HAL: variants seen among roughly 807,000 people sequenced by gnomAD.
The protein encoded by HAL is histidase.
HAL carries 85 observed loss-of-function variants against 81.1 expected under a neutral mutation model. The observed-to-expected ratio is 1.05, with a 90% CI of 0.88 to 1.25. HAL has a LOEUF of 1.25. HAL is among the 50% of genes most tolerant of loss of function. HAL has a pLI of 0.00. For missense variants in HAL, 798 were observed against 836.6 expected (o/e 0.95, Z 0.57); for synonymous variants, 301 against 309.2 (o/e 0.97, Z 0.28).
At position 95,976,481 on chromosome 12, in the gene HAL, C is replaced by T. The variant is rs781008673; in HGVS notation, c.1781G>A (p.Arg594His). Reference protein sequence around the residue: ...RSVVRPWIKDRFMAPDIEAAH... With the variant: ...RSVVRPWIKDHFMAPDIEAAH... The stretch of plus-strand genomic sequence containing the variant: ...TGCCTCGATGTCCGGGGCCATGAAG[C>T]GATCTTTTATCCAGGGCCTACAGGG... The change falls in exon 20 of 21, where the codon CGC becomes CAC. Residue 594 changes from arginine (R) to histidine (H), a missense_variant. By Grantham distance (29) the Arg-to-His change is conservative (BLOSUM62 0). Coordinates refer to ENST00000261208, the MANE Select transcript of HAL (RefSeq NM_002108.4). 2.4e-5 allele frequency: 39 copies of T among 1,613,966 alleles called. No homozygotes were observed. Among genetic ancestry groups the T allele is most frequent in the Non-Finnish European group, 3.2e-5 (38 of 1,179,948 alleles).
chr12:95,984,098 G>A, intron 14 of HAL, 107 bp from the exon 15 acceptor site: 1 of 693,302 alleles, frequency 1.4e-6, no homozygotes, highest in South Asian at 1.6e-5. Flanking sequence ...AAAGAATACA[G>A]AAGATCTTAT....
intron 11 of HAL, 49 bp downstream of exon 11, chr12:95,988,144 T>C: frequency 3.4e-6 from 3 of 886,398 alleles, no homozygotes; most frequent in Non-Finnish European, 5.8e-6. Flanking sequence ...AAATACTGCA[T>C]AAATAAAAAC....
At chr12:95,976,855 T>C in intron 18 of HAL, 149 bp from the exon 19 acceptor site, 1 of 699,408 alleles carries the variant, frequency 1.4e-6, no homozygotes, top group Non-Finnish European at 2.6e-6. Flanking sequence ...CTTTGGTATT[T>C]AGTTGCCATT....
chr12:95,987,353 G>C (rs910946979), intron 11 of HAL, 139 bp from the exon 12 acceptor site: 2 of 740,210 alleles, frequency 2.7e-6, no homozygotes, highest in African/African-American at 3.5e-5. Context: ...GTTTTCTAAA[G>C]TGCGGGACAG....
rs115513045 is a variant in HAL, at chr12:95,984,578, T to G, written c.1207-587A>C. 5.1e-3 allele frequency among the ~76,000 whole-genome samples: 781 copies of G among 152,302 alleles called. 6 individuals are homozygous for G. Among genetic ancestry groups the G allele is most frequent in the African/African-American group, 0.018 (730 of 41,572 alleles). ...GCTATAAAGCAGCACCTGGCTCTGG[T>G]TTCTCCCAGAAGTCAAGGAAGTAAT... is the stretch of plus-strand genomic sequence containing the variant. On this transcript the variant is annotated intron_variant, in intron 14 of 20. Coordinates refer to ENST00000261208, the MANE Select transcript of HAL (RefSeq NM_002108.4).
chr12:95,990,638 A>G, intron 9 of HAL, 106 bp from the exon 10 acceptor site: 1 of 876,968 alleles, frequency 1.1e-6, no homozygotes, highest in East Asian at 2.4e-5. Flanking sequence ...TGCCTCCAAT[A>G]TCTATCACTT....
intron 11 of HAL, among the ~76,000 whole-genome samples, chr12:95,987,882 T>A (rs1229102208): frequency 1.4e-5 from 2 of 141,934 alleles, no homozygotes; most frequent in Admixed American, 1.4e-4. Context: ...CTAATTTTTG[T>A]CTTTTTTGGC....
At chr12:95,975,476 G>A (rs2080706408) in intron 20 of HAL, among the ~76,000 whole-genome samples, 2 of 151,690 alleles carry the variant, frequency 1.3e-5, no homozygotes, top group Admixed American at 1.3e-4. Flanking sequence ...CCAGGAGTTT[G>A]AGTCCAGCCT....
At position 95,995,958 on chromosome 12, in the gene HAL, C is replaced by T. The variant is rs770336071; in HGVS notation, c.-48G>A. 15 of 1,594,886 alleles carry T rather than the reference C, an allele frequency of 9.4e-6. No individual in the cohort carries two copies. Among genetic ancestry groups the T allele is most frequent in the Non-Finnish European group, 1.3e-5 (15 of 1,176,696 alleles). ...CTCAGCTGGTCACAGGAGGGGAGAG[C>T]TTTATGCAGGAGTGGCTACCGGGGT... On this transcript the variant is annotated 5_prime_UTR_variant, in exon 2 of 21. Transcript: ENST00000261208.
chr12:95,974,345 C>T lies in HAL; in HGVS notation c.1861G>A (p.Glu621Lys). The T allele has an allele frequency of 1.9e-6, 3 of 1,612,934 alleles. No individual in the cohort carries two copies. Among genetic ancestry groups the T allele is most frequent in the Non-Finnish European group, 2.5e-6 (3 of 1,178,904 alleles). ...GGAATATGCTCCATTCTGTATTTTT[C>T]AATGTATGGAGCAGCTACTTCCCAA... ...KVWEVAAPYIEKYRMEHIPES... is the reference protein window; with the variant it reads ...KVWEVAAPYIKKYRMEHIPES... The change falls in exon 21 of 21, where the codon GAA becomes AAA. Residue 621 changes from glutamate to lysine, a missense_variant. Glu to Lys is a moderately conservative substitution (Grantham distance 56). Transcript: ENST00000261208.
intron 10 of HAL, among the ~76,000 whole-genome samples, chr12:95,989,370 C>CGGAGCCTCGCTTTCTTGCCCGG (rs1474170369): frequency 1.3e-5 from 2 of 152,144 alleles, no homozygotes; most frequent in Non-Finnish European, 2.9e-5. Flanking sequence ...TATGTAGAGG[C>CGGAGCCTCGCTTTCTTGCCCGG]GGAGCCTCGC....
chr12:95,985,785 C>A, intron 14 of HAL, 123 bp downstream of exon 14: 1 of 696,868 alleles, frequency 1.4e-6, no homozygotes, highest in Admixed American at 2.3e-5. Context: ...GAAATTTGGA[C>A]TATAGTTGAC....
intron 12 of HAL, among the ~76,000 whole-genome samples, chr12:95,986,498 A>G (rs1185830469): frequency 1.3e-5 from 2 of 152,280 alleles, no homozygotes; most frequent in African/African-American, 2.4e-5. Context: ...TACTTTAAAT[A>G]TCTGAGAGCA....
Position 95,974,095 on chromosome 12 carries a change from C to T in HAL, c.*137G>A. 5 of 830,252 alleles carry T rather than the reference C, an allele frequency of 6.0e-6. No homozygotes were observed. The highest frequency in any genetic ancestry group is 1.1e-5 in the Non-Finnish European group (5 of 474,036). 51.4% of individuals were successfully genotyped at this position (830,252 alleles called of 1,614,324 possible). A position where few individuals can be genotyped will look rare whatever the true frequency, so the allele number is the denominator to read the frequency against. On this transcript the variant is annotated 3_prime_UTR_variant, in exon 21 of 21. Transcript: ENST00000261208. ...AACTATAATACTGCCATCAGCCTAACCAACGTAGGCTTTAGAAGAACTGAA... is the reference window on the plus strand; with the variant it reads ...AACTATAATACTGCCATCAGCCTAATCAACGTAGGCTTTAGAAGAACTGAA...
At chr12:95,980,446 G>T in intron 17 of HAL, 110 bp downstream of exon 17, 1 of 972,364 alleles carries the variant, frequency 1.0e-6, no homozygotes, top group Non-Finnish European at 1.6e-6. Flanking sequence ...GCAGATAAAA[G>T]TGGTGAAAAG....
Position 95,996,077 on chromosome 12 carries a change from C to T in HAL, c.-82+1G>A. The T allele has an allele frequency of 1.4e-6, 1 of 713,264 alleles. No individual in the cohort carries two copies. The highest frequency in any genetic ancestry group is 1.7e-5 in the South Asian group (1 of 60,326). The allele number at this position is 713,264 out of a possible 1,614,324, so 44.2% of individuals were successfully genotyped here. A position where few individuals can be genotyped will look rare whatever the true frequency, so the allele number is the denominator to read the frequency against. ...CATTGGACAAATATTTATTGAGGTA[C>T]CTGCTGTCCCTTTGGTTTTTGTAGC... On this transcript the variant is annotated splice_donor_variant, in intron 1 of 20. Coordinates refer to ENST00000261208, the MANE Select transcript of HAL (RefSeq NM_002108.4). LOFTEE classifies it low-confidence loss of function (5UTR_SPLICE).
Position 95,983,982 on chromosome 12 carries a change from C to T in HAL, c.1216G>A (p.Val406Met), listed in dbSNP as rs1388041980. 3.9e-6 allele frequency: 6 copies of T among 1,544,294 alleles called. No individual in the cohort carries two copies. Among genetic ancestry groups the T allele is most frequent in the South Asian group, 1.1e-5 (1 of 89,614 alleles). The change falls in exon 15 of 21, where the codon GTG becomes ATG. Residue 406 changes from valine (V) to methionine (M), a missense_variant. Transcript: ENST00000261208. ...TLRCCPQVHG[V>M]VNDTIAFVKN... Reference sequence around the variant, plus strand: ...ACAAATGCTATTGTATCATTCACCACACCATGGACCTAAAATACAATCAAA... The same window carrying T: ...ACAAATGCTATTGTATCATTCACCATACCATGGACCTAAAATACAATCAAA...
In HAL at chr12:95,985,297, C is replaced by T. The variant is rs749606476; in HGVS notation, c.1206+611G>A. Among the ~76,000 whole-genome samples the T allele has an allele frequency of 4.0e-4, 61 of 152,076 alleles. 1 individual carries two copies. The highest frequency in any genetic ancestry group is 7.1e-4 in the Non-Finnish European group (48 of 68,004). ...TTTAAAAGTTAGGGCACTGAATCAA[C>T]ATAAGAGGTTGTCTGGGCCGGGGAC... On this transcript the variant is annotated intron_variant, in intron 14 of 20. Coordinates refer to ENST00000261208, the MANE Select transcript of HAL (RefSeq NM_002108.4).
intron 9 of HAL, 93 bp from the exon 10 acceptor site, chr12:95,990,625 C>A: frequency 4.1e-6 from 4 of 979,966 alleles, no homozygotes; most frequent in South Asian, 2.6e-5. Flanking sequence ...CCCGCAAACA[C>A]CCTGCCTCCA....
Sources: gnomAD v4.1 joint callset for allele counts (sites outside exome capture counted in the v4.1 genomes callset) on GRCh38, gnomAD v4.1.1 for gene constraint, MANE v1.5 for transcripts, NCBI Gene and HGNC (gene_info 2026-07-23, HGNC 2026-07-21) for gene names.